NID2: variants seen among roughly 807,000 people sequenced by gnomAD.
NID2 encodes the protein nidogen 2, also known as nidogen-2.
A neutral mutation model predicts 145.4 loss-of-function variants in NID2; 83 were observed. That is an observed-to-expected ratio of 0.57 (90% CI 0.48 to 0.69). The LOEUF (loss-of-function observed/expected upper bound fraction) is 0.69, where lower values mean the gene tolerates loss of function less well. Among genes scored for constraint, NID2 ranks in the 30% least tolerant of loss-of-function variants. The probability of loss-of-function intolerance (pLI) is 0.00; values close to 1 mark genes in which losing one functional copy is unlikely to be tolerated. For missense variants in NID2, 1,807 were observed against 1,765.7 expected (o/e 1.02, Z -0.42); for synonymous variants, 739 against 701.3 (o/e 1.05, Z -0.85).
At chr14:52,014,580 T>TG (rs1891150464) in intron 15 of NID2, 124 bp from the exon 16 acceptor site, 2 of 958,536 alleles carry the variant, frequency 2.1e-6, no homozygotes, top group African/African-American at 3.3e-5. Flanking sequence ...CCTACGCAGA[T>TG]GTGCTCCAGA....
In NID2 at chr14:52,029,332, C is replaced by G. The variant is rs148933679; in HGVS notation, c.2401+215G>C. The stretch of plus-strand genomic sequence containing the variant: ...CAACAGATGTTTTCTTTTCACAGCC[C>G]CGGTGCAAAATCCACTCCACTCCAA... On this transcript the variant is annotated intron_variant, in intron 10 of 21. Coordinates refer to ENST00000216286, the MANE Select transcript of NID2 (RefSeq NM_007361.4). Among the ~76,000 whole-genome samples the G allele has an allele frequency of 5.2e-3, 794 of 152,234 alleles. 11 individuals carry two copies. The highest frequency in any genetic ancestry group is 0.018 in the African/African-American group (756 of 41,526).
chr14:52,014,111 G>A, intron 16 of NID2, 176 bp downstream of exon 16: 1 of 757,142 alleles, frequency 1.3e-6, no homozygotes. Context: ...GTGACTCCCA[G>A]CAAGAGAGAG....
intron 9 of NID2, among the ~76,000 whole-genome samples, chr14:52,032,753 T>G (rs1891911713): frequency 6.7e-6 from 1 of 150,344 alleles, no homozygotes; most frequent in African/African-American, 2.5e-5. Flanking sequence ...CAGCAAAGAT[T>G]AGTGTGTTCA....
At chr14:52,027,432 G>A (rs1891629481) in intron 11 of NID2, 88 bp from the exon 12 acceptor site, 2 of 1,196,172 alleles carry the variant, frequency 1.7e-6, no homozygotes, top group Non-Finnish European at 2.2e-6. Flanking sequence ...CAGACCAACA[G>A]CAACAGACCA....
At chr14:52,059,549 T>C (rs113701632) in intron 3 of NID2, among the ~76,000 whole-genome samples, 1,870 of 152,348 alleles carry the variant, frequency 0.012, 40 homozygotes, top group African/African-American at 0.043. Flanking sequence ...GTAAGCCCTC[T>C]GGATCATTCA....
At chr14:52,023,850 C>CA (rs1891485506) in intron 12 of NID2, among the ~76,000 whole-genome samples, 1 of 152,138 alleles carries the variant, frequency 6.6e-6, no homozygotes, top group Non-Finnish European at 1.5e-5. Context: ...TCCAGGGAGC[C>CA]GGTTTTTTTA....
chr14:52,008,039 C>G (rs1890859681), intron 18 of NID2, 72 bp from the exon 19 acceptor site: 1 of 1,221,030 alleles, frequency 8.2e-7, no homozygotes, highest in Admixed American at 2.3e-5. Context: ...AAGCAGCCCC[C>G]AGTGATCTCC....
intron 11 of NID2, 48 bp from the exon 12 acceptor site, chr14:52,027,392 G>C: frequency 6.9e-7 from 1 of 1,452,192 alleles, no homozygotes; most frequent in African/African-American, 1.5e-5. Flanking sequence ...GCCTGCAAAG[G>C]ATGAGCCTCA....
At chr14:52,046,484 G>A (rs2645738) in intron 5 of NID2, among the ~76,000 whole-genome samples, 120,862 of 152,062 alleles carry the variant, frequency 0.79, 48,144 homozygotes, top group South Asian at 0.88. Context: ...TTCTTATTCT[G>A]AGGCTGAATT....
intron 9 of NID2, among the ~76,000 whole-genome samples, chr14:52,031,424 C>A (rs1891868632): frequency 6.6e-6 from 1 of 152,194 alleles, no homozygotes; most frequent in Non-Finnish European, 1.5e-5. Context: ...TCTAGCTCAA[C>A]CTCAGTCCCT....
In NID2 at chr14:52,068,071, G is replaced by C. The variant is rs1482936418; in HGVS notation, c.321C>G (p.Ala107=). Residue 107 remains alanine, a synonymous_variant, in exon 2 of 22, where the codon GCC becomes GCG. Coordinates refer to ENST00000216286, the MANE Select transcript of NID2 (RefSeq NM_007361.4). ...TCGTGTCGATGTCCGCCAGAAAAGG[G>C]GCGATGGCCGGGAAGTCGGTGGGGA... ...YDFPTDFPAI[A]PFLADIDTSH... 5.0e-6 allele frequency: 8 copies of C among 1,613,702 alleles called. No individual in the cohort carries two copies. Among genetic ancestry groups the C allele is most frequent in the Non-Finnish European group, 6.8e-6 (8 of 1,179,968 alleles).
intron 6 of NID2, 130 bp from the exon 7 acceptor site, chr14:52,042,480 C>T: frequency 8.5e-7 from 1 of 1,177,696 alleles, no homozygotes; most frequent in Non-Finnish European, 1.2e-6. Flanking sequence ...ATTTCCTAAC[C>T]AACCAATTAT....
intron 6 of NID2, 149 bp from the exon 7 acceptor site, chr14:52,042,499 G>T: frequency 9.3e-7 from 1 of 1,072,742 alleles, no homozygotes; most frequent in Non-Finnish European, 1.3e-6. Context: ...ATCCATCTAT[G>T]AAACAGTCCT....
Position 52,060,364 on chromosome 14 carries a change from G to GA in NID2, c.535-9dup, listed in dbSNP as rs71121681. 0.097 allele frequency: 69,681 copies of GA among 715,036 alleles called. 1,914 individuals carry two copies. Among genetic ancestry groups the GA allele is most frequent in the East Asian group, 0.34 (8,364 of 24,384 alleles). The allele number at this position is 715,036 out of a possible 1,614,324, so 44.3% of individuals were successfully genotyped here. On this transcript the variant is annotated splice_polypyrimidine_tract_variant and intron_variant, in intron 2 of 21. Transcript: ENST00000216286. ...TGCCTGGAAAGTGTTCAGCTGTGAG[G>GA]AAAAAAAAAAAAAAAGAGAGAGAGA...
chr14:52,058,751 T>TA, intron 3 of NID2, among the ~76,000 whole-genome samples: 1 of 152,208 alleles, frequency 6.6e-6, no homozygotes. Context: ...CCTAATAGGG[T>TA]ACAAGCTGCT....
chr14:52,025,151 C>A (rs1161835761), intron 12 of NID2, among the ~76,000 whole-genome samples: 1 of 152,188 alleles, frequency 6.6e-6, no homozygotes, highest in Non-Finnish European at 1.5e-5. Flanking sequence ...TTAAACCAAA[C>A]AAACGATGTG....
At chr14:52,031,184 A>C (rs1283787786) in intron 9 of NID2, among the ~76,000 whole-genome samples, 1 of 151,876 alleles carries the variant, frequency 6.6e-6, no homozygotes, top group Non-Finnish European at 1.5e-5. Flanking sequence ...GGAGTGTCAG[A>C]TGCTCAGGTA....
At chr14:52,058,675 TG>T (rs1892929106) in intron 3 of NID2, among the ~76,000 whole-genome samples, 1 of 152,156 alleles carries the variant, frequency 6.6e-6, no homozygotes, top group African/African-American at 2.4e-5. Flanking sequence ...CACTGTCTCC[TG>T]TCTCCTGTGT....
intron 2 of NID2, among the ~76,000 whole-genome samples, 161 bp downstream of exon 2, chr14:52,067,697 C>A (rs1893268037): frequency 6.6e-6 from 1 of 152,238 alleles, no homozygotes; most frequent in Non-Finnish European, 1.5e-5. Flanking sequence ...GAGACAACGT[C>A]TTTCCTCACT....
Sources: allele counts gnomAD v4.1 joint callset (sites outside exome capture counted in the v4.1 genomes callset), GRCh38; gene constraint gnomAD v4.1.1; transcripts MANE v1.5; gene names NCBI Gene and HGNC (gene_info 2026-07-23, HGNC 2026-07-21).